PCMTD1: variants seen among roughly 807,000 people sequenced by gnomAD.
PCMTD1 encodes the protein protein-L-isoaspartate (D-aspartate) O-methyltransferase domain containing 1.
A neutral mutation model predicts 37.6 loss-of-function variants in PCMTD1; 12 were observed. That is an observed-to-expected ratio of 0.32 (90% CI 0.20 to 0.52). The LOEUF is 0.52. Ranked by LOEUF, PCMTD1 falls within the 20% of genes least tolerant of loss-of-function variation. The pLI, the probability that PCMTD1 is intolerant of heterozygous loss-of-function variation, is 0.97. For synonymous variants in PCMTD1, 117 were observed against 135.8 expected (o/e 0.86, Z 0.96); for missense variants, 235 against 421.3 (o/e 0.56, Z 3.87).
At chr8:51,898,863 C>A in intron 1 of PCMTD1, 67 bp downstream of exon 1, 2 of 1,239,710 alleles carry the variant, frequency 1.6e-6, no homozygotes, top group South Asian at 3.4e-5. Flanking sequence ...CCCAGTCGCC[C>A]GCCCGGCCCT....
At chr8:51,871,875 A>G (rs958713448) in intron 1 of PCMTD1, among the ~76,000 whole-genome samples, 1 of 152,176 alleles carries the variant, frequency 6.6e-6, no homozygotes, top group African/African-American at 2.4e-5. Flanking sequence ...CTCCAATTCA[A>G]TACTACATAT....
intron 3 of PCMTD1, among the ~76,000 whole-genome samples, chr8:51,834,883 G>A (rs1157984315): frequency 6.6e-6 from 1 of 152,132 alleles, no homozygotes; most frequent in Non-Finnish European, 1.5e-5. Flanking sequence ...GAAGGGTCAA[G>A]GGTGTCCCTG....
intron 1 of PCMTD1, chr8:51,870,450 A>G (rs1247105011): frequency 6.6e-6 from 1 of 152,192 alleles, no homozygotes; most frequent in African/African-American, 2.4e-5. Context: ...AAATGGCTAA[A>G]CTAAGGTTCA....
chr8:51,861,993 C>A (rs566300259), intron 1 of PCMTD1, among the ~76,000 whole-genome samples: 3 of 152,146 alleles, frequency 2.0e-5, no homozygotes, highest in African/African-American at 7.2e-5. Flanking sequence ...GGATAACAGG[C>A]GTAAGCCACG....
At chr8:51,841,823 T>C (rs958308506) in intron 3 of PCMTD1, among the ~76,000 whole-genome samples, 11 of 152,274 alleles carry the variant, frequency 7.2e-5, no homozygotes, top group African/African-American at 2.6e-4. Context: ...AAAAGTACAA[T>C]AGGAGTCAGC....
At chr8:51,892,631 GAAT>G (rs773439283) in intron 1 of PCMTD1, among the ~76,000 whole-genome samples, 3 of 152,232 alleles carry the variant, frequency 2.0e-5, no homozygotes, top group African/African-American at 4.8e-5. Flanking sequence ...CATTAGTAGG[GAAT>G]ATAGTTAAAT....
chr8:51,829,832 TC>T (rs2037974436), intron 5 of PCMTD1, among the ~76,000 whole-genome samples: 1 of 151,928 alleles, frequency 6.6e-6, no homozygotes, highest in Non-Finnish European at 1.5e-5. Context: ...AGTCCCAAAG[TC>T]ATGCAGCTCA....
rs753057656 is a variant in PCMTD1, at chr8:51,820,541, A to C, written c.884T>G (p.Leu295Arg). The part of the protein sequence containing the change: ...INTYVFVGNQ[L>R]IPQPLDSEED... ...TTCACTGTCTAGAGGCTGAGGAATA[A>C]GCTGATTACCCACAAATACGTAAGT... The change falls in exon 6 of 6, where the codon CTT becomes CGT. Residue 295 changes from leucine (L) to arginine (R), a missense_variant. By Grantham distance (102) the Leu-to-Arg change is moderately radical. Coordinates refer to ENST00000522514, the MANE Select transcript of PCMTD1 (RefSeq NM_052937.4). The C allele has an allele frequency of 3.5e-5, 57 of 1,612,214 alleles. 1 individual carries two copies. Among genetic ancestry groups the C allele is most frequent in the Non-Finnish European group, 4.3e-5 (51 of 1,179,548 alleles).
chr8:51,865,240 C>T (rs958575710), intron 1 of PCMTD1, among the ~76,000 whole-genome samples: 10 of 152,032 alleles, frequency 6.6e-5, no homozygotes, highest in South Asian at 2.1e-4. Flanking sequence ...GGTGGAATTA[C>T]GCCAAACATT....
intron 1 of PCMTD1, among the ~76,000 whole-genome samples, chr8:51,863,434 T>C (rs1202815070): frequency 6.6e-6 from 1 of 152,212 alleles, no homozygotes; most frequent in African/African-American, 2.4e-5. Flanking sequence ...AAATAAGAAC[T>C]ACCACCATTT....
intron 1 of PCMTD1, among the ~76,000 whole-genome samples, chr8:51,879,303 G>A (rs2038758803): frequency 6.6e-6 from 1 of 151,338 alleles, no homozygotes; most frequent in African/African-American, 2.4e-5. Flanking sequence ...GAAAAAAGTG[G>A]CATGACTAAA....
intron 2 of PCMTD1, among the ~76,000 whole-genome samples, chr8:51,851,306 CTCTTT>C (rs905761732): frequency 6.6e-6 from 1 of 152,196 alleles, no homozygotes; most frequent in African/African-American, 2.4e-5. Flanking sequence ...AAATGCTACT[CTCTTT>C]TATCATACAT....
At chr8:51,859,762 C>G (rs1207828819) in intron 2 of PCMTD1, among the ~76,000 whole-genome samples, 2 of 152,184 alleles carry the variant, frequency 1.3e-5, no homozygotes, top group Admixed American at 1.3e-4. Context: ...AGTCACCCTA[C>G]TAGAGGATAT....
intron 2 of PCMTD1, 174 bp downstream of exon 2, chr8:51,860,671 G>T: frequency 1.7e-6 from 1 of 576,026 alleles, no homozygotes; most frequent in Admixed American, 3.2e-5. Flanking sequence ...GTAAGGACTC[G>T]GAATGAAAAA....
Position 51,864,013 on chromosome 8 carries a change from A to G in PCMTD1, c.-95-2767T>C, listed in dbSNP as rs542267494. On this transcript the variant is annotated intron_variant, in intron 1 of 5. Transcript: ENST00000522514. ...TGGATTAGAAAGGCAAGACCCAACA[A>G]TATGCCGCCTATGAAAAAGACTCAC... Among the ~76,000 whole-genome samples the G allele has an allele frequency of 3.9e-5, 6 of 152,282 alleles. No homozygotes were observed. The South Asian group carries it at 1.2e-3, about 32-fold the overall frequency.
chr8:51,873,205 ATT>A (rs2038662925), intron 1 of PCMTD1, among the ~76,000 whole-genome samples: 2 of 152,222 alleles, frequency 1.3e-5, no homozygotes, highest in Non-Finnish European at 2.9e-5. Context: ...GATGCAAAGT[ATT>A]ACCTGCACCA....
At chr8:51,853,897 A>T (rs908778145) in intron 2 of PCMTD1, among the ~76,000 whole-genome samples, 5 of 152,138 alleles carry the variant, frequency 3.3e-5, no homozygotes, top group Admixed American at 2.6e-4. Flanking sequence ...AGGAAACTCA[A>T]ATTTTTTGTT....
intron 1 of PCMTD1, among the ~76,000 whole-genome samples, chr8:51,875,513 G>A (rs1418004292): frequency 1.3e-5 from 2 of 152,214 alleles, no homozygotes; most frequent in East Asian, 1.9e-4. Context: ...TCCTTAGAAG[G>A]ATCATTTGTA....
At position 51,861,224 on chromosome 8, in the gene PCMTD1, T is replaced by C. The variant is rs2038465220; in HGVS notation, c.-73A>G. On this transcript the variant is annotated 5_prime_UTR_variant, in exon 2 of 6. Coordinates refer to ENST00000522514, the MANE Select transcript of PCMTD1 (RefSeq NM_052937.4). ...TAGAAATGGCTTCCAATATTGCACT[T>C]GATTTCCAAAAATAAATTAATCCTG... The C allele has an allele frequency of 1.6e-5, 24 of 1,474,536 alleles. 1 individual carries two copies. In the East Asian group the frequency reaches 5.5e-4, roughly 34 times the overall value. The allele number at this position is 1,474,536 out of a possible 1,614,324, so 91.3% of individuals were successfully genotyped here.
Sources: gnomAD v4.1 joint callset for allele counts (sites outside exome capture counted in the v4.1 genomes callset) on GRCh38, gnomAD v4.1.1 for gene constraint, MANE v1.5 for transcripts, NCBI Gene and HGNC (gene_info 2026-07-23, HGNC 2026-07-21) for gene names.